Variants in SKAP2 observed in about 807,000 individuals in gnomAD.
SKAP2 encodes src kinase-associated phosphoprotein 2.
Under a neutral mutation model 54.9 loss-of-function variants are expected in SKAP2, and 28 were observed. The ratio of observed to expected loss-of-function variants is 0.51; its 90% confidence interval spans 0.38 to 0.70. The LOEUF (loss-of-function observed/expected upper bound fraction) is 0.70, where lower values mean the gene tolerates loss of function less well. Among genes scored for constraint, SKAP2 ranks in the 30% least tolerant of loss-of-function variants. The probability of loss-of-function intolerance (pLI) is 0.00; values close to 1 mark genes in which losing one functional copy is unlikely to be tolerated. For missense variants in SKAP2, 356 were observed against 424.1 expected (o/e 0.84, Z 1.41); for synonymous variants, 137 against 134.3 (o/e 1.02, Z -0.14).
chr7:26,855,857 TTAAG>T (rs1412074832), intron 1 of SKAP2, among the ~76,000 whole-genome samples: 2 of 152,138 alleles, frequency 1.3e-5, no homozygotes, highest in African/African-American at 4.8e-5. Context: ...TTAAAGATGT[TTAAG>T]TAGGCATGGC....
chr7:26,856,393 T>C (rs1314692675), intron 1 of SKAP2, among the ~76,000 whole-genome samples: 3 of 151,506 alleles, frequency 2.0e-5, no homozygotes, highest in Admixed American at 1.3e-4. Context: ...TAACAACTAA[T>C]GTGTTAAAAA....
intron 4 of SKAP2, among the ~76,000 whole-genome samples, chr7:26,762,284 T>C (rs1782949946): frequency 6.6e-6 from 1 of 151,884 alleles, no homozygotes; most frequent in South Asian, 2.1e-4. Context: ...AAATTAAAAT[T>C]AAAATTAAAA....
intron 11 of SKAP2, among the ~76,000 whole-genome samples, chr7:26,671,441 G>A (rs541942663): frequency 4.6e-5 from 7 of 151,982 alleles, no homozygotes; most frequent in Non-Finnish European, 1.0e-4. Flanking sequence ...CCATCAGAAA[G>A]GAAAATTATG....
chr7:26,749,543 G>A (rs1782633587), intron 4 of SKAP2, among the ~76,000 whole-genome samples: 1 of 151,938 alleles, frequency 6.6e-6, no homozygotes, highest in Non-Finnish European at 1.5e-5. Context: ...GAGGCCAGGT[G>A]TTCGAGACAG....
At chr7:26,825,162 G>A (rs114877441) in intron 4 of SKAP2, among the ~76,000 whole-genome samples, 5 of 152,226 alleles carry the variant, frequency 3.3e-5, no homozygotes, top group African/African-American at 9.6e-5. Flanking sequence ...CAAGCAAGCC[G>A]AGGGTCAAAT....
intron 4 of SKAP2, among the ~76,000 whole-genome samples, chr7:26,811,913 T>C (rs541265263): frequency 2.9e-4 from 44 of 152,342 alleles, no homozygotes; most frequent in African/African-American, 1.0e-3. Flanking sequence ...TAATTTACCT[T>C]ATAAGTAAAA....
In SKAP2 at chr7:26,668,637, T is replaced by C. The variant is rs902319918; in HGVS notation, c.*1029A>G. The C allele has an allele frequency of 1.3e-5, 2 of 151,484 alleles. No homozygotes were observed. The highest frequency in any genetic ancestry group is 2.9e-5 in the Non-Finnish European group (2 of 67,976). 9.4% of individuals were successfully genotyped at this position (151,484 alleles called of 1,614,324 possible). On this transcript the variant is annotated 3_prime_UTR_variant, in exon 13 of 13. Coordinates refer to ENST00000345317, the MANE Select transcript of SKAP2 (RefSeq NM_003930.5). ...AAGAGAGTGCTTGGTTATGCCTTTT[T>C]ACTTTGAGAATACACTGAGATTCTG...
intron 9 of SKAP2, among the ~76,000 whole-genome samples, chr7:26,708,479 T>C (rs1341258193): frequency 6.6e-6 from 1 of 152,228 alleles, no homozygotes; most frequent in African/African-American, 2.4e-5. Context: ...CCCGTTTCCC[T>C]ATAACATTGA....
At chr7:26,818,854 A>G (rs1434587124) in intron 4 of SKAP2, among the ~76,000 whole-genome samples, 2 of 152,216 alleles carry the variant, frequency 1.3e-5, no homozygotes, top group African/African-American at 4.8e-5. Flanking sequence ...GAGAAATGAA[A>G]ATCAAAACCA....
chr7:26,798,886 C>G (rs1347976727), intron 4 of SKAP2, among the ~76,000 whole-genome samples: 1 of 152,028 alleles, frequency 6.6e-6, no homozygotes, highest in Non-Finnish European at 1.5e-5. Context: ...GCAAGCCTCA[C>G]AGTAACTTCA....
intron 4 of SKAP2, among the ~76,000 whole-genome samples, chr7:26,804,730 C>T (rs1783990792): frequency 7.1e-6 from 1 of 140,174 alleles, no homozygotes; most frequent in Admixed American, 7.2e-5. Flanking sequence ...CAGAGTGAGA[C>T]CCCGTCTCAA....
chr7:26,815,049 G>C (rs1485807553), intron 4 of SKAP2, among the ~76,000 whole-genome samples: 2 of 150,982 alleles, frequency 1.3e-5, no homozygotes, highest in Non-Finnish European at 3.0e-5. Context: ...AATGTCATTA[G>C]ACATAACAGT....
intron 4 of SKAP2, among the ~76,000 whole-genome samples, chr7:26,803,263 A>G (rs1035665446): frequency 2.0e-5 from 3 of 152,224 alleles, no homozygotes; most frequent in Non-Finnish European, 4.4e-5. Flanking sequence ...GAGCTCAAAC[A>G]AGTCTACAGG....
At chr7:26,823,167 T>C (rs1370043317) in intron 4 of SKAP2, among the ~76,000 whole-genome samples, 1 of 152,038 alleles carries the variant, frequency 6.6e-6, no homozygotes, top group East Asian at 1.9e-4. Context: ...GGCTCACGCC[T>C]GTAATCCCAG....
Position 26,864,388 on chromosome 7 carries a change from A to G in SKAP2, c.42T>C (p.Pro14=). 3 of 1,612,768 alleles carry G rather than the reference A, an allele frequency of 1.9e-6. No individual in the cohort carries two copies. The highest frequency in any genetic ancestry group is 2.5e-6 in the Non-Finnish European group (3 of 1,179,404). Residue 14 remains proline, a synonymous_variant, in exon 1 of 13, where the codon CCT becomes CCC. Coordinates refer to ENST00000345317, the MANE Select transcript of SKAP2 (RefSeq NM_003930.5). The part of the protein sequence containing the change: ...PSSTSSPYPL[P]EEIRNLLADV... ...CTGCCAACAGGTTCCTAATTTCCTC[A>G]GGGAGGGGGTAGGGAGAGGAGGTGC... is the stretch of plus-strand genomic sequence containing the variant.
chr7:26,860,832 A>C (rs947132061), intron 1 of SKAP2, among the ~76,000 whole-genome samples: 1 of 96 alleles, frequency 0.01, no homozygotes, highest in African/African-American at 0.042. Context: ...GTGTGAAAAA[A>C]ATATTCACAC....
intron 4 of SKAP2, among the ~76,000 whole-genome samples, chr7:26,780,044 G>C (rs1012445467): frequency 1.3e-5 from 2 of 152,016 alleles, no homozygotes; most frequent in Admixed American, 1.3e-4. Flanking sequence ...GAAAGTACTT[G>C]TAAGGTATGT....
At chr7:26,822,048 A>C (rs1784392920) in intron 4 of SKAP2, among the ~76,000 whole-genome samples, 1 of 152,000 alleles carries the variant, frequency 6.6e-6, no homozygotes, top group Non-Finnish European at 1.5e-5. Context: ...TCCAATCTTT[A>C]TTCTTTATTT....
chr7:26,745,703 C>A (rs1454087528), intron 4 of SKAP2, among the ~76,000 whole-genome samples: 4 of 152,162 alleles, frequency 2.6e-5, no homozygotes, highest in Admixed American at 6.5e-5. Context: ...TCTGTAGAGG[C>A]AAGGTTTCGC....
Sources: gnomAD v4.1 joint callset for allele counts (sites outside exome capture counted in the v4.1 genomes callset) on GRCh38, gnomAD v4.1.1 for gene constraint, MANE v1.5 for transcripts, NCBI Gene and HGNC (gene_info 2026-07-23, HGNC 2026-07-21) for gene names.